Variants in ABCC5 observed in about 807,000 individuals in gnomAD.
ABCC5 encodes the protein ATP-binding cassette sub-family C member 5.
A neutral mutation model predicts 160.9 loss-of-function variants in ABCC5; 61 were observed. The observed-to-expected ratio is 0.38, with a 90% CI of 0.31 to 0.47. The LOEUF is 0.47. Ranked by LOEUF, ABCC5 falls within the 20% of genes least tolerant of loss-of-function variation. The pLI is 0.99. For synonymous variants in ABCC5, 666 were observed against 700.6 expected (o/e 0.95, Z 0.78); for missense variants, 1,308 against 1,813.3 (o/e 0.72, Z 5.06).
intron 5 of ABCC5, chr3:183,986,247 T>C (rs1719207411): frequency 6.6e-6 from 1 of 152,216 alleles, no homozygotes; most frequent in African/African-American, 2.4e-5. Flanking sequence ...TAAAAGAGAT[T>C]ATGGATGAGT....
At chr3:183,937,788 G>T in intron 26 of ABCC5, 113 bp downstream of exon 26, 2 of 1,194,746 alleles carry the variant, frequency 1.7e-6, no homozygotes, top group Non-Finnish European at 2.4e-6. Flanking sequence ...AAAAGCACCA[G>T]ACTAGAGATG....
chr3:183,959,743 C>T lies in ABCC5; in HGVS notation c.2472G>A (p.Lys824=). 6.2e-7 allele frequency: 1 copy of T among 1,610,002 alleles called. No individual in the cohort carries two copies. The highest frequency in any genetic ancestry group is 8.5e-7 in the Non-Finnish European group (1 of 1,178,532). The part of the protein sequence containing the change: ...TGSVKKEKAV[K]PEEGQLVQLE... Reference sequence around the variant, plus strand: ...AAAAAAGGCCATTACCTTCCTCTGGCTTTACTGCTTTTTCCTTCTTTACTG... The same window carrying T: ...AAAAAAGGCCATTACCTTCCTCTGGTTTTACTGCTTTTTCCTTCTTTACTG... The change falls in exon 17 of 30, where the codon AAG becomes AAA. Residue 824 remains lysine, a synonymous_variant. Transcript: ENST00000334444.
rs969185595 is a variant in ABCC5 at position 183,973,795 on chromosome 3, C to A, written c.1405-1876G>T. On this transcript the variant is annotated intron_variant, in intron 10 of 29. Coordinates refer to ENST00000334444, the MANE Select transcript of ABCC5 (RefSeq NM_005688.4). ...GAGAGATTGAACTAAGAGTAACATGCCAAACATTTTGATCACCTTCACAGA... is the reference window on the plus strand; with the variant it reads ...GAGAGATTGAACTAAGAGTAACATGACAAACATTTTGATCACCTTCACAGA... 5.9e-5 allele frequency among the ~76,000 whole-genome samples: 9 copies of A among 152,286 alleles called. No individual in the cohort carries two copies. In the Middle Eastern group the frequency reaches 0.01, roughly 173 times the overall value.
At chr3:183,964,110 T>C (rs1365881063) in intron 14 of ABCC5, among the ~76,000 whole-genome samples, 1 of 152,226 alleles carries the variant, frequency 6.6e-6, no homozygotes, top group Non-Finnish European at 1.5e-5. Context: ...GACAATGTCA[T>C]GTGCTTGCCT....
intron 25 of ABCC5, among the ~76,000 whole-genome samples, chr3:183,939,218 A>C (rs781296953): frequency 2.0e-5 from 3 of 152,210 alleles, no homozygotes; most frequent in Non-Finnish European, 4.4e-5. Context: ...AGATCACCTG[A>C]GGTCAGGAGT....
At chr3:183,936,951 G>A (rs1212112946) in intron 26 of ABCC5, among the ~76,000 whole-genome samples, 2 of 152,232 alleles carry the variant, frequency 1.3e-5, no homozygotes, top group East Asian at 3.8e-4. Context: ...AATAGGCCAA[G>A]AAGAAGGATT....
At chr3:183,994,050 G>A (rs557737608) in intron 2 of ABCC5, among the ~76,000 whole-genome samples, 1 of 145,942 alleles carries the variant, frequency 6.9e-6, no homozygotes, top group East Asian at 2.0e-4. Context: ...TGCAATCTCC[G>A]CTTCCCGGGT....
At chr3:184,002,233 T>C (rs1255247024) in intron 2 of ABCC5, among the ~76,000 whole-genome samples, 1 of 151,862 alleles carries the variant, frequency 6.6e-6, no homozygotes, top group East Asian at 1.9e-4. Context: ...TCCCGGTCTC[T>C]ACTAAAAATA....
Position 183,921,085 on chromosome 3 carries a change from C to T in ABCC5, c.*215G>A, listed in dbSNP as rs1711923329. On this transcript the variant is annotated 3_prime_UTR_variant, in exon 30 of 30. Coordinates refer to ENST00000334444, the MANE Select transcript of ABCC5 (RefSeq NM_005688.4). The surrounding 1 kb of genome is among the most constrained non-coding windows in gnomAD (Gnocchi z 4.1). ...GAACCTTTTAGAGTGCAATTAAGAA[C>T]AAAAACTAAATTTTGTTTACATGAA... 7 of 423,004 alleles carry T rather than the reference C, an allele frequency of 1.7e-5. No homozygotes were observed. The Admixed American group carries it at 2.6e-4, about 16-fold the overall frequency. The allele number at this position is 423,004 out of a possible 1,614,324, so 26.2% of individuals were successfully genotyped here. A position where few individuals can be genotyped will look rare whatever the true frequency, so the allele number is the denominator to read the frequency against.
intron 5 of ABCC5, chr3:183,984,352 A>C (rs1021352245): frequency 2.0e-6 from 2 of 985,902 alleles, no homozygotes; most frequent in Non-Finnish European, 2.4e-6. Context: ...GAAGAAAAAA[A>C]TTGATGTGAA....
intron 2 of ABCC5, among the ~76,000 whole-genome samples, chr3:183,990,313 G>A (rs1271906611): frequency 6.6e-6 from 1 of 151,990 alleles, no homozygotes; most frequent in African/African-American, 2.4e-5. Context: ...CACCATGTTG[G>A]CCAGGATGGT....
rs537339365 is a variant in ABCC5, at chr3:183,927,152, T to C, written c.4047+178A>G. On this transcript the variant is annotated intron_variant, in intron 28 of 29. Transcript: ENST00000334444. ...AGGTAAAAACAAAGCAACCCTGTTC[T>C]CCCTCCCCAGAACCAATATACCCAA... Among the ~76,000 whole-genome samples, 57 of 152,262 alleles carry C rather than the reference T, an allele frequency of 3.7e-4. No homozygotes were observed. The South Asian group carries it at 9.7e-3, about 26-fold the overall frequency.
At position 183,982,787 on chromosome 3, in the gene ABCC5, T is replaced by G; in HGVS notation, c.812A>C (p.Lys271Thr). 6.2e-7 allele frequency: 1 copy of G among 1,614,176 alleles called. No individual in the cohort carries two copies. Among genetic ancestry groups the G allele is most frequent in the Non-Finnish European group, 8.5e-7 (1 of 1,180,034 alleles). The change falls in exon 6 of 30, where the codon AAA becomes ACA. Residue 271 changes from lysine to threonine, a missense_variant. Lys to Thr is a moderately conservative substitution (Grantham distance 78). Transcript: ENST00000334444. The surrounding 1 kb of genome is among the most constrained non-coding windows in gnomAD (Gnocchi z 5.2). The stretch of plus-strand genomic sequence containing the variant: ...CCCCTCACTCACCTCACCCAGGGAT[T>G]TCTCTTTAATGTTCTTTAACTTAAG... ...KILKLKNIKEKSLGELINICS... is the reference protein window; with the variant it reads ...KILKLKNIKETSLGELINICS...
At chr3:183,948,160 T>C (rs989640323) in intron 22 of ABCC5, among the ~76,000 whole-genome samples, 6 of 152,246 alleles carry the variant, frequency 3.9e-5, no homozygotes, top group Non-Finnish European at 7.3e-5. Context: ...CATGTACGAC[T>C]AGAACTCCAG....
rs1267280373 is a variant in ABCC5, at chr3:183,951,552, A to T, written c.2833T>A (p.Ser945Thr). 6.2e-7 allele frequency: 1 copy of T among 1,614,190 alleles called. No homozygotes were observed. The highest frequency in any genetic ancestry group is 1.1e-5 in the South Asian group (1 of 91,082). ...VFVKGTLRAS[S>T]RLHDELFRRI... ...CGGAAAAGCTCGTCATGCAGCCGGG[A>T]GGAAGCTCGCAGCGTGCCCTGAGGA... is the stretch of plus-strand genomic sequence containing the variant. The change falls in exon 20 of 30, where the codon TCC (serine) becomes ACC (threonine). Residue 945 changes from serine to threonine, a missense_variant. Around this residue, in one of 3 missense-constraint regions of ABCC5, gnomAD observed 1,142 missense variants for 1,527.1 expected, o/e 0.75. Coordinates refer to ENST00000334444, the MANE Select transcript of ABCC5 (RefSeq NM_005688.4). The surrounding 1 kb of genome is among the most constrained non-coding windows in gnomAD (Gnocchi z 4.7).
At chr3:183,943,494 G>T (rs1172646069) in intron 24 of ABCC5, among the ~76,000 whole-genome samples, 3 of 152,150 alleles carry the variant, frequency 2.0e-5, no homozygotes, top group African/African-American at 7.2e-5. Context: ...GTGGGGACTG[G>T]ATTAGATGAT....
At position 183,989,558 on chromosome 3, in the gene ABCC5, T is replaced by C. The variant is rs1251029029; in HGVS notation, c.130-175A>G. Among the ~76,000 whole-genome samples, 14 of 151,724 alleles carry C rather than the reference T, an allele frequency of 9.2e-5. 1 individual carries two copies. Among genetic ancestry groups the C allele is most frequent in the Admixed American group, 8.6e-4 (13 of 15,186 alleles). ...TATGATTTGAACCCATTGGGGAACA[T>C]TAAGCTAGATATTTAAAAATTTTAA... On this transcript the variant is annotated intron_variant, in intron 2 of 29. Transcript: ENST00000334444.
rs1422352993 is a variant in ABCC5 at position 183,950,060 on chromosome 3, C to T, written c.3010G>A (p.Val1004Met). Residue 1004 changes from valine (V) to methionine (M), a missense_variant, in exon 21 of 30, where the codon GTG (valine) becomes ATG (methionine). This residue lies in a region of ABCC5 where 1,142 missense variants were observed against 1,527.1 expected (regional missense o/e 0.75). Coordinates refer to ENST00000334444, the MANE Select transcript of ABCC5 (RefSeq NM_005688.4). Reference protein sequence around the residue: ...IQNVILVFFCVGMIAGVFPWF... With the variant: ...IQNVILVFFCMGMIAGVFPWF... ...GGGAAGACTCCTGCGATCATTCCCA[C>T]ACAGAAGAACACCAGGATAACGTTC... is the stretch of plus-strand genomic sequence containing the variant. The T allele has an allele frequency of 6.2e-7, 1 of 1,614,130 alleles. No homozygotes were observed. Among genetic ancestry groups the T allele is most frequent in the Non-Finnish European group, 8.5e-7 (1 of 1,180,022 alleles).
Position 183,955,870 on chromosome 3 carries a change from A to G in ABCC5, c.2483-2600T>C, listed in dbSNP as rs909691452. ...ATCGGTTACATGCAGATCCGTGTGT[A>G]TATTACATCTGTTATATGCAGATCC... On this transcript the variant is annotated intron_variant, in intron 17 of 29. Coordinates refer to ENST00000334444, the MANE Select transcript of ABCC5 (RefSeq NM_005688.4). Among the ~76,000 whole-genome samples the G allele has an allele frequency of 4.2e-4, 60 of 143,232 alleles. 4 individuals are homozygous for G. The highest frequency in any genetic ancestry group is 1.5e-3 in the African/African-American group (57 of 39,300). The allele number at this position is 143,232 out of a possible 152,430, so 94.0% of individuals were successfully genotyped here.
Sources: allele counts gnomAD v4.1 joint callset (sites outside exome capture counted in the v4.1 genomes callset), GRCh38; gene constraint gnomAD v4.1.1; regional missense constraint gnomAD v4.1.1; non-coding constraint Gnocchi (gnomAD v3.1); transcripts MANE v1.5; gene names NCBI Gene and HGNC (gene_info 2026-07-23, HGNC 2026-07-21).